The following HMGA2 variants were observed in gnomAD, a reference collection of about 807,000 sequenced individuals.
HMGA2 encodes high mobility group protein HMGI-C.
A neutral mutation model predicts 19.1 loss-of-function variants in HMGA2; 8 were observed. The ratio of observed to expected loss-of-function variants is 0.42; its 90% CI spans 0.25 to 0.76. The LOEUF is 0.76. HMGA2 is among the 30% of genes least tolerant of loss of function. The pLI is 0.28. For missense variants in HMGA2, 109 were observed against 136.3 expected, an observed-to-expected ratio of 0.80 and a Z score of 1.00; for synonymous variants, 60 against 48.8, an observed-to-expected ratio of 1.23 and a Z score of -0.96.
intron 3 of HMGA2, among the ~76,000 whole-genome samples, chr12:65,893,728 A>G (rs982975811): frequency 6.6e-6 from 1 of 152,230 alleles, no homozygotes; most frequent in Non-Finnish European, 1.5e-5. Context: ...ATGAAGTTGC[A>G]AAGTTTAATT....
At chr12:65,956,978 G>A (rs1876623154) in intron 4 of HMGA2, 1 of 152,164 alleles carries the variant, frequency 6.6e-6, no homozygotes, top group Admixed American at 6.5e-5. Context: ...ATAGAAATAT[G>A]TTGCATTGCC....
chr12:65,954,352 T>G (rs1876545308), intron 4 of HMGA2: 2 of 152,230 alleles, frequency 1.3e-5, no homozygotes, highest in Non-Finnish European at 1.5e-5. Context: ...GCAGGAATTT[T>G]TTAGCTGGAG....
intron 3 of HMGA2, among the ~76,000 whole-genome samples, chr12:65,882,969 C>A (rs1873494978): frequency 6.6e-6 from 1 of 152,194 alleles, no homozygotes; most frequent in East Asian, 1.9e-4. Flanking sequence ...GCAGACTCTG[C>A]CCCGCTTCCA....
At chr12:65,900,464 C>T (rs186719152) in intron 3 of HMGA2, among the ~76,000 whole-genome samples, 3 of 152,184 alleles carry the variant, frequency 2.0e-5, no homozygotes, top group African/African-American at 7.2e-5. Context: ...AGAACTTAAC[C>T]AGACCTAAAT....
chr12:65,896,644 G>A (rs1874143598), intron 3 of HMGA2, among the ~76,000 whole-genome samples: 1 of 152,180 alleles, frequency 6.6e-6, no homozygotes, highest in Admixed American at 6.5e-5. Context: ...GACCTTTGCT[G>A]CTACTCGTAA....
chr12:65,930,961 GA>G (rs1003987591), intron 3 of HMGA2, among the ~76,000 whole-genome samples: 30 of 152,072 alleles, frequency 2.0e-4, no homozygotes, highest in Non-Finnish European at 4.0e-4. Context: ...AAAAAGGAAG[GA>G]AAAAATGTAT....
At chr12:65,955,359 T>C (rs1222717570) in intron 4 of HMGA2, 1 of 152,158 alleles carries the variant, frequency 6.6e-6, no homozygotes, top group African/African-American at 2.4e-5. Context: ...TAGAGGGTGC[T>C]TTGTTACTCA....
intron 2 of HMGA2, among the ~76,000 whole-genome samples, chr12:65,835,825 C>A (rs1870693483): frequency 6.6e-6 from 1 of 152,168 alleles, no homozygotes; most frequent in Admixed American, 6.5e-5. Flanking sequence ...GGTCAATAGG[C>A]TCCTTCTCCC....
At chr12:65,909,249 G>A (rs552104561) in intron 3 of HMGA2, among the ~76,000 whole-genome samples, 12 of 152,126 alleles carry the variant, frequency 7.9e-5, no homozygotes, top group Non-Finnish European at 1.3e-4. Context: ...TTTGTCTGGC[G>A]CCAGCACAAA....
At chr12:65,900,589 C>T (rs1393226965) in intron 3 of HMGA2, among the ~76,000 whole-genome samples, 5 of 152,198 alleles carry the variant, frequency 3.3e-5, no homozygotes, top group Non-Finnish European at 5.9e-5. Flanking sequence ...AGGAGACTGA[C>T]CAGCACTGTG....
chr12:65,854,438 T>C (rs74665861), intron 3 of HMGA2, among the ~76,000 whole-genome samples: 3,397 of 152,326 alleles, frequency 0.022, 63 homozygotes, highest in East Asian at 0.094. Flanking sequence ...AATTAGGATG[T>C]TGACATTCAC....
chr12:65,842,049 G>T (rs1871022046), intron 3 of HMGA2: 1 of 1,247,016 alleles, frequency 8.0e-7, no homozygotes, highest in African/African-American at 1.6e-5. Flanking sequence ...GTTTTTATGA[G>T]GTGGTCTGAT....
At chr12:65,864,655 TC>T (rs1483510005) in intron 3 of HMGA2, among the ~76,000 whole-genome samples, 2 of 152,196 alleles carry the variant, frequency 1.3e-5, no homozygotes, top group Non-Finnish European at 2.9e-5. Flanking sequence ...GTTCATATAC[TC>T]CTCTTTTCTT....
intron 3 of HMGA2, among the ~76,000 whole-genome samples, chr12:65,902,237 G>T (rs1874402255): frequency 6.6e-6 from 1 of 151,926 alleles, no homozygotes; most frequent in African/African-American, 2.4e-5. Flanking sequence ...ACGTGAATTT[G>T]TGAAGACCGT....
At chr12:65,883,631 CA>C (rs1381200535) in intron 3 of HMGA2, among the ~76,000 whole-genome samples, 1 of 152,174 alleles carries the variant, frequency 6.6e-6, no homozygotes, top group Non-Finnish European at 1.5e-5. Flanking sequence ...AATGTCTATG[CA>C]CTGCTTTTTT....
intron 3 of HMGA2, chr12:65,948,439 T>C (rs188683547): frequency 3.9e-5 from 6 of 152,360 alleles, no homozygotes; most frequent in Admixed American, 3.9e-4. Flanking sequence ...ACTTACAGTT[T>C]GTTTGGCGTC....
intron 3 of HMGA2, among the ~76,000 whole-genome samples, chr12:65,860,373 A>G (rs918416206): frequency 6.6e-6 from 1 of 152,240 alleles, no homozygotes; most frequent in African/African-American, 2.4e-5. Flanking sequence ...TTGAAGTATA[A>G]TTTCTACTGA....
At chr12:65,900,663 C>T (rs1874335522) in intron 3 of HMGA2, among the ~76,000 whole-genome samples, 1 of 152,154 alleles carries the variant, frequency 6.6e-6, no homozygotes, top group South Asian at 2.1e-4. Context: ...TTTTCTTGTT[C>T]TCTAAAAGAC....
intron 3 of HMGA2, among the ~76,000 whole-genome samples, chr12:65,932,002 A>G (rs1294159355): frequency 6.6e-6 from 1 of 152,184 alleles, no homozygotes; most frequent in Non-Finnish European, 1.5e-5. Context: ...TCCATAGCAT[A>G]TATTTGGCTT....
Sources: gnomAD v4.1 joint callset for allele counts (sites outside exome capture counted in the v4.1 genomes callset) on GRCh38, gnomAD v4.1.1 for gene constraint, MANE v1.5 for transcripts, NCBI Gene and HGNC (gene_info 2026-07-23, HGNC 2026-07-21) for gene names.